Variants in CDH10 observed in about 807,000 individuals in gnomAD.
The protein encoded by CDH10 is cadherin-10.
CDH10 carries 30 observed loss-of-function variants against 73.1 expected under a neutral mutation model. That is an observed-to-expected ratio of 0.41 (90% CI 0.31 to 0.56). CDH10 has a LOEUF of 0.56. Ranked by LOEUF, CDH10 falls within the 20% of genes least tolerant of loss-of-function variation. The pLI is 0.27. For synonymous variants in CDH10, 345 were observed against 348.2 expected (o/e 0.99, Z 0.10); for missense variants, 815 against 973.7 (o/e 0.84, Z 2.17).
At chr5:24,628,228 G>A (rs1747575805) in intron 1 of CDH10, among the ~76,000 whole-genome samples, 1 of 152,170 alleles carries the variant, frequency 6.6e-6, no homozygotes, top group South Asian at 2.1e-4. Context: ...AGTTTTAGCG[G>A]CTACAAAACA....
intron 5 of CDH10, among the ~76,000 whole-genome samples, chr5:24,515,166 T>C (rs1046546844): frequency 6.6e-6 from 1 of 152,184 alleles, no homozygotes; most frequent in African/African-American, 2.4e-5. Flanking sequence ...CCAACACTTA[T>C]GTGCTAATAA....
chr5:24,617,976 A>C (rs1747179757), intron 1 of CDH10, among the ~76,000 whole-genome samples: 1 of 152,320 alleles, frequency 6.6e-6, no homozygotes, highest in Middle Eastern at 3.4e-3. Flanking sequence ...AGTGTCAAAA[A>C]TGTTATGTGA....
intron 8 of CDH10, among the ~76,000 whole-genome samples, chr5:24,501,525 A>C (rs1056224229): frequency 6.6e-6 from 1 of 152,222 alleles, no homozygotes; most frequent in Non-Finnish European, 1.5e-5. Flanking sequence ...AAAGTTCTTC[A>C]GGGAAACACT....
At chr5:24,558,975 T>A (rs1014016641) in intron 2 of CDH10, among the ~76,000 whole-genome samples, 1 of 151,832 alleles carries the variant, frequency 6.6e-6, no homozygotes, top group Non-Finnish European at 1.5e-5. Flanking sequence ...TTTTACAGAT[T>A]TTAGAAATCT....
chr5:24,642,235 G>C (rs1344443073), intron 1 of CDH10, among the ~76,000 whole-genome samples: 1 of 152,050 alleles, frequency 6.6e-6, no homozygotes, highest in African/African-American at 2.4e-5. Context: ...GAATGATTTG[G>C]TATAAAAATG....
chr5:24,636,464 T>G (rs1176177991), intron 1 of CDH10, among the ~76,000 whole-genome samples: 3 of 151,952 alleles, frequency 2.0e-5, no homozygotes, highest in Non-Finnish European at 4.4e-5. Context: ...CTTCCTCTGG[T>G]GTCCTCACAA....
chr5:24,631,189 C>G (rs1051652752), intron 1 of CDH10, among the ~76,000 whole-genome samples: 90 of 152,082 alleles, frequency 5.9e-4, no homozygotes, highest in African/African-American at 2.2e-3. Flanking sequence ...AATCTCATCC[C>G]TGAAGGAAAG....
intron 2 of CDH10, among the ~76,000 whole-genome samples, chr5:24,591,232 T>C (rs1579852837): frequency 1.3e-5 from 2 of 151,980 alleles, no homozygotes; most frequent in African/African-American, 4.8e-5. Flanking sequence ...TAGTATAGTA[T>C]AGACAAAAAA....
At chr5:24,564,776 A>T (rs1055670569) in intron 2 of CDH10, among the ~76,000 whole-genome samples, 1 of 152,190 alleles carries the variant, frequency 6.6e-6, no homozygotes, top group African/African-American at 2.4e-5. Flanking sequence ...AACTTATTAG[A>T]TCAATCCTGC....
At position 24,487,660 on chromosome 5, in the gene CDH10, A is replaced by G. The variant is rs1741888443; in HGVS notation, c.*3T>C. On this transcript the variant is annotated 3_prime_UTR_variant, in exon 12 of 12. Coordinates refer to ENST00000264463, the MANE Select transcript of CDH10 (RefSeq NM_006727.5). ...CTTGTTTGAACAGAACATATATCCT[A>G]CGTTAAGAGTCTTTGTCACTTTCCC... 1.2e-6 allele frequency: 2 copies of G among 1,607,532 alleles called. No homozygotes were observed. The highest frequency in any genetic ancestry group is 8.5e-7 in the Non-Finnish European group (1 of 1,176,500).
intron 1 of CDH10, among the ~76,000 whole-genome samples, chr5:24,634,463 C>G (rs1261145829): frequency 6.6e-6 from 1 of 151,054 alleles, no homozygotes; most frequent in Non-Finnish European, 1.5e-5. Context: ...ATTAGCCATC[C>G]TGATGAATAA....
At chr5:24,641,139 A>T (rs145179413) in intron 1 of CDH10, among the ~76,000 whole-genome samples, 6 of 152,078 alleles carry the variant, frequency 3.9e-5, no homozygotes, top group Non-Finnish European at 8.8e-5. Flanking sequence ...ATGGACTTAT[A>T]CGCTTTAGGT....
chr5:24,568,123 T>C (rs907389474), intron 2 of CDH10, among the ~76,000 whole-genome samples: 1 of 151,930 alleles, frequency 6.6e-6, no homozygotes, highest in African/African-American at 2.4e-5. Context: ...TTATTTTGAG[T>C]TTTTAATGTA....
intron 2 of CDH10, among the ~76,000 whole-genome samples, chr5:24,579,439 C>A (rs1356773857): frequency 6.6e-6 from 1 of 152,132 alleles, no homozygotes; most frequent in Admixed American, 6.6e-5. Flanking sequence ...TACTGCTGCA[C>A]GTATTTGCTC....
chr5:24,538,392 G>C (rs958429271), intron 2 of CDH10, among the ~76,000 whole-genome samples: 5 of 152,012 alleles, frequency 3.3e-5, no homozygotes, highest in Non-Finnish European at 7.4e-5. Flanking sequence ...TTCTGTGCAG[G>C]AACAAGGCAA....
chr5:24,592,269 A>C lies in CDH10; in HGVS notation c.231+991T>G, dbSNP rs140285216. 3.6e-3 allele frequency among the ~76,000 whole-genome samples: 547 copies of C among 151,936 alleles called. 1 individual carries two copies. The highest frequency in any genetic ancestry group is 0.014 in the Middle Eastern group (4 of 292). Reference sequence around the variant, plus strand: ...AGAAAAAATCTTTCACACAATTTTAATTATTTGAATGAAGATATTATAGTT... The same window carrying C: ...AGAAAAAATCTTTCACACAATTTTACTTATTTGAATGAAGATATTATAGTT... On this transcript the variant is annotated intron_variant, in intron 2 of 11. Transcript: ENST00000264463.
intron 2 of CDH10, among the ~76,000 whole-genome samples, chr5:24,549,227 C>T (rs7720805): frequency 0.95 from 144,658 of 152,208 alleles, 68,838 homozygotes; most frequent in East Asian, 1. Context: ...CAATCAAAAG[C>T]TGCAAGACAT....
At chr5:24,537,312 A>AT in intron 3 of CDH10, 68 bp downstream of exon 3, 1 of 984,448 alleles carries the variant, frequency 1.0e-6, no homozygotes, top group Non-Finnish European at 1.5e-6. Flanking sequence ...TGATTATACT[A>AT]TTATAAGAAT....
intron 2 of CDH10, among the ~76,000 whole-genome samples, chr5:24,582,971 CTA>C (rs1251098197): frequency 6.6e-6 from 1 of 152,076 alleles, no homozygotes; most frequent in African/African-American, 2.4e-5. Context: ...CTTTTCAAGA[CTA>C]TGCTTCAGGG....
Sources: allele counts gnomAD v4.1 joint callset (sites outside exome capture counted in the v4.1 genomes callset), GRCh38; gene constraint gnomAD v4.1.1; transcripts MANE v1.5; gene names NCBI Gene and HGNC (gene_info 2026-07-23, HGNC 2026-07-21).